PRAG1: variants seen among roughly 807,000 people sequenced by gnomAD.
PRAG1 encodes PEAK1 related, kinase-activating pseudokinase 1.
PRAG1 carries 110 observed loss-of-function variants against 95.6 expected under a neutral mutation model. The observed-to-expected ratio is 1.15, with a 90% CI of 0.99 to 1.35. The LOEUF (loss-of-function observed/expected upper bound fraction) is 1.35. PRAG1 is among the 40% of genes most tolerant of loss of function. The pLI, the probability that PRAG1 is intolerant of heterozygous loss-of-function variation, is 0.00. For synonymous variants in PRAG1, 1,052 were observed against 819.4 expected (o/e 1.28, Z -4.85); for missense variants, 2,554 against 1,864.7 (o/e 1.37, Z -6.81).
At chr8:8,372,720 A>G (rs139039155) in intron 3 of PRAG1, among the ~76,000 whole-genome samples, 96 of 152,348 alleles carry the variant, frequency 6.3e-4, no homozygotes, top group Middle Eastern at 6.8e-3. Context: ...TCTCAAAAAG[A>G]CAGATAAGCT....
At chr8:8,363,029 T>C (rs1226535947) in intron 3 of PRAG1, among the ~76,000 whole-genome samples, 1 of 150,814 alleles carries the variant, frequency 6.6e-6, no homozygotes, top group African/African-American at 2.4e-5. Flanking sequence ...ACTAATATTG[T>C]AGTTAAAGTA....
At chr8:8,381,207 G>A (rs1800631435) in intron 2 of PRAG1, among the ~76,000 whole-genome samples, 1 of 152,158 alleles carries the variant, frequency 6.6e-6, no homozygotes, top group Non-Finnish European at 1.5e-5. Context: ...AAATTCTGGG[G>A]GACTGGATTA....
At chr8:8,358,518 C>T (rs367556155) in intron 3 of PRAG1, among the ~76,000 whole-genome samples, 49 of 152,198 alleles carry the variant, frequency 3.2e-4, no homozygotes, top group African/African-American at 1.1e-3. Flanking sequence ...GTGACCAACT[C>T]CCCTACTGAA....
intron 3 of PRAG1, among the ~76,000 whole-genome samples, chr8:8,359,665 A>G (rs1400262456): frequency 6.6e-6 from 1 of 152,200 alleles, no homozygotes; most frequent in African/African-American, 2.4e-5. Flanking sequence ...ATAAAGGAAT[A>G]CGGTATTGCT....
chr8:8,374,841 C>T (rs145296308), intron 3 of PRAG1: 1 of 241,618 alleles, frequency 4.1e-6, no homozygotes, highest in Non-Finnish European at 6.7e-6. Flanking sequence ...TGTTCAAAGT[C>T]AAGCGTCCTG....
intron 1 of PRAG1, among the ~76,000 whole-genome samples, chr8:8,384,144 C>G (rs1394776896): frequency 6.6e-6 from 1 of 152,196 alleles, no homozygotes; most frequent in African/African-American, 2.4e-5. Context: ...GGTGCCCAAC[C>G]ACTTCCTCAG....
chr8:8,378,849 G>T (rs1300105007), intron 2 of PRAG1, among the ~76,000 whole-genome samples: 5 of 140,962 alleles, frequency 3.5e-5, no homozygotes. Flanking sequence ...GACAATGCCA[G>T]ACCCTGTACC....
chr8:8,318,972 G>A lies in PRAG1; in HGVS notation c.3403C>T (p.His1135Tyr), dbSNP rs770702072. The change falls in exon 6 of 6, where the codon CAC (histidine) becomes TAC (tyrosine). Residue 1135 changes from histidine to tyrosine, a missense_variant. Transcript: ENST00000615670. The surrounding 1 kb of genome is among the most constrained non-coding windows in gnomAD (Gnocchi z 4.2). ...LLLQLCNGLE[H>Y]LKEHGIIHRD... ...TGGATGATCCCGTGCTCCTTCAGGT[G>A]CTCCAGCCCGTTGCAGAGTTGCAGA... is the stretch of plus-strand genomic sequence containing the variant. The A allele has an allele frequency of 4.3e-6, 7 of 1,613,182 alleles. No individual in the cohort carries two copies. The highest frequency in any genetic ancestry group is 1.3e-5 in the African/African-American group (1 of 74,896).
chr8:8,336,147 A>G (rs76174484), intron 4 of PRAG1, among the ~76,000 whole-genome samples: 1,639 of 152,292 alleles, frequency 0.011, 26 homozygotes, highest in African/African-American at 0.034. Flanking sequence ...GCTGGTGCCA[A>G]TGGTTTCAGT....
At chr8:8,336,318 T>A (rs1174159114) in intron 4 of PRAG1, among the ~76,000 whole-genome samples, 1 of 152,186 alleles carries the variant, frequency 6.6e-6, no homozygotes, top group Non-Finnish European at 1.5e-5. Flanking sequence ...AGCAAAAAGG[T>A]CTCTTGATGA....
chr8:8,321,920 C>T (rs1798482750), intron 5 of PRAG1, among the ~76,000 whole-genome samples: 1 of 152,184 alleles, frequency 6.6e-6, no homozygotes, highest in African/African-American at 2.4e-5. Flanking sequence ...CCTCTGGTCA[C>T]AATATTTTCA....
At chr8:8,323,011 A>G (rs1798520918) in intron 5 of PRAG1, among the ~76,000 whole-genome samples, 1 of 152,222 alleles carries the variant, frequency 6.6e-6, no homozygotes, top group Admixed American at 6.5e-5. Context: ...AATATTTTAC[A>G]GAGTTGGACT....
chr8:8,347,773 G>A (rs1464649290), intron 3 of PRAG1, among the ~76,000 whole-genome samples: 1 of 146,394 alleles, frequency 6.8e-6, no homozygotes, highest in African/African-American at 2.8e-5. Context: ...AGACCTAGGA[G>A]AGAAATATTT....
intron 3 of PRAG1, among the ~76,000 whole-genome samples, chr8:8,362,266 G>A (rs745942390): frequency 1.5e-4 from 23 of 152,288 alleles, no homozygotes; most frequent in South Asian, 6.2e-4. Context: ...CACCCACTCC[G>A]TCCAGCAGGA....
chr8:8,336,908 T>TCCCC (rs1214780667), intron 4 of PRAG1, among the ~76,000 whole-genome samples: 9 of 49,026 alleles, frequency 1.8e-4, no homozygotes, highest in South Asian at 9.5e-4. Context: ...CACACCCCTT[T>TCCCC]CCCCCCTCCC....
chr8:8,364,861 A>T (rs1233830963), intron 3 of PRAG1, among the ~76,000 whole-genome samples: 5 of 151,680 alleles, frequency 3.3e-5, no homozygotes, highest in African/African-American at 1.2e-4. Context: ...CATGCAAAGT[A>T]CTCCTTATCT....
intron 3 of PRAG1, among the ~76,000 whole-genome samples, chr8:8,358,795 C>A (rs1295796802): frequency 6.6e-6 from 1 of 152,248 alleles, no homozygotes; most frequent in East Asian, 1.9e-4. Context: ...CCTCCACTGG[C>A]TGGAGCTGGA....
At chr8:8,324,102 G>A (rs2117105215) in intron 5 of PRAG1, among the ~76,000 whole-genome samples, 1 of 152,350 alleles carries the variant, frequency 6.6e-6, no homozygotes, top group Middle Eastern at 3.4e-3. Context: ...AGCACAATGG[G>A]GAAGGTTGCT....
intron 1 of PRAG1, among the ~76,000 whole-genome samples, chr8:8,383,464 C>T (rs1800750988): frequency 6.6e-6 from 1 of 151,752 alleles, no homozygotes; most frequent in Non-Finnish European, 1.5e-5. Context: ...GCCTGTGGTC[C>T]CAGCTACTTG....
Sources: allele counts gnomAD v4.1 joint callset (sites outside exome capture counted in the v4.1 genomes callset), GRCh38; gene constraint gnomAD v4.1.1; non-coding constraint Gnocchi (gnomAD v3.1); transcripts MANE v1.5; gene names NCBI Gene and HGNC (gene_info 2026-07-23, HGNC 2026-07-21).